Variants in MPP7 observed in about 807,000 individuals in gnomAD.
MPP7 encodes MAGUK p55 subfamily member 7.
In MPP7, 60 loss-of-function variants were observed where a neutral mutation model predicts 76.5. That is an observed-to-expected ratio of 0.78 (90% CI 0.64 to 0.97). MPP7 has a LOEUF of 0.97. MPP7 is among the 50% of genes least tolerant of loss of function. The pLI, the probability that MPP7 is intolerant of heterozygous loss-of-function variation, is 0.00. For missense variants in MPP7, 641 were observed against 694.0 expected (o/e 0.92, Z 0.86); for synonymous variants, 237 against 244.5 (o/e 0.97, Z 0.29).
chr10:28,102,017 A>G (rs931472661), intron 11 of MPP7, among the ~76,000 whole-genome samples: 4 of 152,212 alleles, frequency 2.6e-5, no homozygotes, highest in Non-Finnish European at 5.9e-5. Context: ...ATAAACATAT[A>G]TGATTTGACA....
intron 2 of MPP7, among the ~76,000 whole-genome samples, chr10:28,322,125 C>T (rs1473705074): frequency 6.6e-6 from 1 of 151,948 alleles, no homozygotes; most frequent in Non-Finnish European, 1.5e-5. Context: ...GACAAACGTT[C>T]CATTTATATA....
At chr10:28,286,974 T>C (rs1166517217) in intron 1 of MPP7, among the ~76,000 whole-genome samples, 2 of 152,176 alleles carry the variant, frequency 1.3e-5, no homozygotes, top group African/African-American at 4.8e-5. Context: ...TACTGAAGTA[T>C]GGAGGTTGCC....
At chr10:28,102,466 T>C (rs1009215096) in intron 11 of MPP7, among the ~76,000 whole-genome samples, 1 of 152,234 alleles carries the variant, frequency 6.6e-6, no homozygotes, top group Admixed American at 6.5e-5. Flanking sequence ...CCACATAGTG[T>C]ACTTTCACAC....
intron 2 of MPP7, among the ~76,000 whole-genome samples, chr10:28,222,138 T>C (rs1167739535): frequency 6.6e-6 from 1 of 152,046 alleles, no homozygotes; most frequent in Non-Finnish European, 1.5e-5. Context: ...CTTAATATAT[T>C]TGGTCACTCA....
chr10:28,217,537 A>AGAAAAG (rs1554852919), intron 2 of MPP7, among the ~76,000 whole-genome samples: 1 of 138,174 alleles, frequency 7.2e-6, no homozygotes, highest in Non-Finnish European at 1.5e-5. Flanking sequence ...AAAAAAAAAA[A>AGAAAAG]AAAAGAAAAG....
intron 12 of MPP7, among the ~76,000 whole-genome samples, chr10:28,085,956 G>C (rs958434084): frequency 6.6e-6 from 1 of 152,180 alleles, no homozygotes; most frequent in Non-Finnish European, 1.5e-5. Context: ...ATACTATGCA[G>C]CCATAAAAAA....
At chr10:28,228,522 T>C (rs1397909434) in intron 2 of MPP7, among the ~76,000 whole-genome samples, 2 of 152,158 alleles carry the variant, frequency 1.3e-5, no homozygotes, top group East Asian at 1.9e-4. Context: ...TCCCAGCACT[T>C]TGGGAGGCCA....
At chr10:28,106,820 G>A (rs1381425521) in intron 11 of MPP7, among the ~76,000 whole-genome samples, 2 of 152,184 alleles carry the variant, frequency 1.3e-5, no homozygotes, top group East Asian at 1.9e-4. Context: ...CAGTGATTCC[G>A]CGTTGCCAAA....
chr10:28,083,795 C>T (rs1201863453), intron 12 of MPP7, among the ~76,000 whole-genome samples: 1 of 152,114 alleles, frequency 6.6e-6, no homozygotes, highest in African/African-American at 2.4e-5. Context: ...GCCTCGGCCT[C>T]CCAGAGTGCT....
intron 3 of MPP7, among the ~76,000 whole-genome samples, chr10:28,173,478 A>G (rs1836755224): frequency 6.6e-6 from 1 of 152,210 alleles, no homozygotes; most frequent in Non-Finnish European, 1.5e-5. Context: ...TAAGTGCACA[A>G]TACTGCAGTA....
At chr10:28,214,968 T>C (rs1838261224) in intron 2 of MPP7, among the ~76,000 whole-genome samples, 1 of 152,128 alleles carries the variant, frequency 6.6e-6, no homozygotes, top group African/African-American at 2.4e-5. Flanking sequence ...AGATATTTTG[T>C]AGACCCTGCA....
At chr10:28,306,219 CAGAT>C, upstream of MPP7, among the ~76,000 whole-genome samples, 1 of 152,178 alleles carries the variant, frequency 6.6e-6, no homozygotes, top group Non-Finnish European at 1.5e-5. Context: ...TGATTAGTGA[CAGAT>C]AAGTCAAAAT....
At chr10:28,213,505 G>A (rs966699104) in intron 2 of MPP7, among the ~76,000 whole-genome samples, 3 of 152,138 alleles carry the variant, frequency 2.0e-5, no homozygotes, top group Non-Finnish European at 4.4e-5. Context: ...ATTTAAAAGA[G>A]AAGGTTGGGC....
chr10:28,114,662 T>A (rs1042726355), intron 11 of MPP7, among the ~76,000 whole-genome samples: 1 of 152,148 alleles, frequency 6.6e-6, no homozygotes, highest in African/African-American at 2.4e-5. Flanking sequence ...GAAACCACTT[T>A]CCTAAATTCC....
At chr10:28,264,260 C>G (rs1178101945) in intron 1 of MPP7, among the ~76,000 whole-genome samples, 1 of 152,158 alleles carries the variant, frequency 6.6e-6, no homozygotes, top group Non-Finnish European at 1.5e-5. Context: ...CACTGCACTA[C>G]AGACTGGGTG....
At chr10:28,207,205 C>T (rs1271017532) in intron 2 of MPP7, among the ~76,000 whole-genome samples, 1 of 151,866 alleles carries the variant, frequency 6.6e-6, no homozygotes, top group Non-Finnish European at 1.5e-5. Context: ...GTCAAAGATG[C>T]AGGTGAAGCA....
chr10:28,270,520 TA>T lies in MPP7; in HGVS notation c.-131-31786del, dbSNP rs1208377769. On this transcript the variant is annotated intron_variant, in intron 1 of 16. Transcript: ENST00000683449. ...GGGCAACATAACAAGACTATCTCTT[TA>T]AAAAAAAAAAAGGGGGGGGGGGAGG... is the stretch of plus-strand genomic sequence containing the variant. Among the ~76,000 whole-genome samples, 58 of 59,828 alleles carry T rather than the reference TA, an allele frequency of 9.7e-4. 1 individual carries two copies. Among genetic ancestry groups the T allele is most frequent in the East Asian group, 8.4e-3 (8 of 956 alleles). 39.2% of individuals were successfully genotyped at this position (59,828 alleles called of 152,430 possible).
rs1481098874 is a variant in MPP7 at position 28,225,843 on chromosome 10, A to G, written c.37+12725T>C. On this transcript the variant is annotated intron_variant, in intron 2 of 16. Coordinates refer to ENST00000683449, the MANE Select transcript of MPP7 (RefSeq NM_001318170.2). ...ACTTATTTTTGTGACAATGAATATT[A>G]TATTTTTTAAACCCAGTGACTTGGC... Among the ~76,000 whole-genome samples the G allele has an allele frequency of 3.3e-5, 5 of 152,222 alleles. No individual in the cohort carries two copies. The East Asian group carries it at 7.7e-4, about 23-fold the overall frequency.
intron 1 of MPP7, among the ~76,000 whole-genome samples, chr10:28,284,613 C>T (rs1840752927): frequency 6.6e-6 from 1 of 152,150 alleles, no homozygotes; most frequent in Admixed American, 6.5e-5. Flanking sequence ...AAAACTTTAT[C>T]TTATTGTCTA....
Sources: gnomAD v4.1 joint callset for allele counts (sites outside exome capture counted in the v4.1 genomes callset) on GRCh38, gnomAD v4.1.1 for gene constraint, MANE v1.5 for transcripts, NCBI Gene and HGNC (gene_info 2026-07-23, HGNC 2026-07-21) for gene names.